The following FRMD4B variants were observed in gnomAD, a reference collection of about 807,000 sequenced individuals.
FRMD4B encodes the protein FERM domain containing 4B.
FRMD4B carries 74 observed loss-of-function variants against 141.5 expected under a neutral mutation model. The observed-to-expected ratio is 0.52, with a 90% CI of 0.43 to 0.63. The LOEUF (loss-of-function observed/expected upper bound fraction) is 0.63. Among genes scored for constraint, FRMD4B ranks in the 30% least tolerant of loss-of-function variants. The pLI, the probability that FRMD4B is intolerant of heterozygous loss-of-function variation, is 0.00. For synonymous variants in FRMD4B, 506 were observed against 467.9 expected (o/e 1.08, Z -1.05); for missense variants, 1,366 against 1,253.4 (o/e 1.09, Z -1.36).
intron 1 of FRMD4B, among the ~76,000 whole-genome samples, chr3:69,461,190 G>A (rs1705701643): frequency 6.6e-6 from 1 of 152,112 alleles, no homozygotes; most frequent in East Asian, 1.9e-4. Flanking sequence ...CAAATTTGAG[G>A]TTTAATATTA....
At chr3:69,492,193 T>A (rs577359135) in intron 1 of FRMD4B, among the ~76,000 whole-genome samples, 2 of 152,228 alleles carry the variant, frequency 1.3e-5, no homozygotes, top group South Asian at 4.2e-4. Context: ...GAGTGAAAGT[T>A]TGCAAGACCT....
chr3:69,292,885 G>A, intron 4 of FRMD4B: 2 of 234,868 alleles, frequency 8.5e-6, no homozygotes, highest in South Asian at 8.2e-5. Flanking sequence ...ATTTCACTAA[G>A]GTTTTCTTAA....
At chr3:69,343,577 G>GTTTTTGTTTTTT (rs775904583) in intron 1 of FRMD4B, among the ~76,000 whole-genome samples, 1 of 126,534 alleles carries the variant, frequency 7.9e-6, no homozygotes, top group African/African-American at 3.0e-5. Context: ...ACAGTTTTTT[G>GTTTTTGTTTTTT]TTTTTTTTTT....
At chr3:69,438,943 T>C (rs1450460683) in intron 1 of FRMD4B, among the ~76,000 whole-genome samples, 1 of 152,214 alleles carries the variant, frequency 6.6e-6, no homozygotes, top group Non-Finnish European at 1.5e-5. Context: ...TTTTAAGTGA[T>C]AGAACCACAC....
intron 7 of FRMD4B, among the ~76,000 whole-genome samples, chr3:69,241,908 CA>C (rs1276399982): frequency 1.3e-5 from 2 of 151,590 alleles, no homozygotes; most frequent in African/African-American, 2.4e-5. Flanking sequence ...AAAAAACCCC[CA>C]AAAAACAAAA....
intron 5 of FRMD4B, among the ~76,000 whole-genome samples, chr3:69,283,255 G>C (rs895173285): frequency 6.6e-6 from 1 of 151,742 alleles, no homozygotes; most frequent in Non-Finnish European, 1.5e-5. Context: ...CGTGGTGTCA[G>C]GCGCCTGTAA....
intron 1 of FRMD4B, among the ~76,000 whole-genome samples, chr3:69,484,558 T>C (rs540470442): frequency 6.6e-6 from 1 of 152,230 alleles, no homozygotes; most frequent in South Asian, 2.1e-4. Context: ...TTAGCTCCTA[T>C]CTGTAGGCAG....
At chr3:69,228,610 G>A (rs1031223216) in intron 7 of FRMD4B, 12 of 396,628 alleles carry the variant, frequency 3.0e-5, no homozygotes, top group African/African-American at 2.1e-4. Context: ...TGAGCTGGGA[G>A]GATCTCTTGA....
intron 5 of FRMD4B, among the ~76,000 whole-genome samples, chr3:69,255,546 T>TA (rs958506561): frequency 2.4e-4 from 37 of 151,086 alleles, no homozygotes; most frequent in African/African-American, 8.7e-4. Context: ...CCCCATCTCT[T>TA]AAAAAAAAAG....
intron 1 of FRMD4B, among the ~76,000 whole-genome samples, chr3:69,347,675 A>C (rs1033194778): frequency 7.9e-5 from 12 of 152,218 alleles, no homozygotes; most frequent in Non-Finnish European, 1.5e-4. Context: ...AGGATTAAGA[A>C]ACTCACTCAA....
At chr3:69,228,513 G>T (rs150971587) in intron 7 of FRMD4B, 4 of 450,632 alleles carry the variant, frequency 8.9e-6, no homozygotes, top group African/African-American at 2.0e-5. Flanking sequence ...CTGTGTGATA[G>T]AGATCAAAAC....
intron 1 of FRMD4B, among the ~76,000 whole-genome samples, chr3:69,318,331 C>T (rs376354951): frequency 6.6e-6 from 1 of 152,212 alleles, no homozygotes; most frequent in East Asian, 1.9e-4. Context: ...ATTTCCATGC[C>T]AAAACCAAAG....
chr3:69,509,081 A>T (rs1431537156), intron 1 of FRMD4B, among the ~76,000 whole-genome samples: 1 of 152,226 alleles, frequency 6.6e-6, no homozygotes, highest in Non-Finnish European at 1.5e-5. Context: ...TGATACATGG[A>T]TGATCACTGT....
chr3:69,379,416 C>T (rs754238796), intron 1 of FRMD4B, among the ~76,000 whole-genome samples: 4 of 152,116 alleles, frequency 2.6e-5, no homozygotes, highest in Admixed American at 1.3e-4. Context: ...GTAGCTGGGG[C>T]TACAGGCACA....
intron 6 of FRMD4B, among the ~76,000 whole-genome samples, chr3:69,249,783 C>A (rs920469688): frequency 6.6e-6 from 1 of 152,224 alleles, no homozygotes; most frequent in Non-Finnish European, 1.5e-5. Flanking sequence ...CCAGAGCTCT[C>A]TTCCAGGAAT....
Position 69,224,709 on chromosome 3 carries a change from T to C in FRMD4B, c.582-19A>G, listed in dbSNP as rs368380264. The C allele has an allele frequency of 7.9e-6, 10 of 1,261,472 alleles. No homozygotes were observed. In the East Asian group the frequency reaches 1.5e-4, roughly 18 times the overall value. The allele number at this position is 1,261,472 out of a possible 1,614,324, so 78.1% of individuals were successfully genotyped here. ...TTCATCACTAAAAAGAAATGGAATA[T>C]GGTAATGTCAGGTACTGTTATCCAA... On this transcript the variant is annotated intron_variant, in intron 7 of 22. Coordinates refer to ENST00000398540, the MANE Select transcript of FRMD4B (RefSeq NM_015123.3).
intron 19 of FRMD4B, among the ~76,000 whole-genome samples, chr3:69,184,192 G>A (rs1232285719): frequency 2.0e-5 from 3 of 152,136 alleles, no homozygotes; most frequent in African/African-American, 2.4e-5. Context: ...GATTACAGGC[G>A]TGAGCCGCTG....
rs551291630 is a variant in FRMD4B at position 69,537,963 on chromosome 3, G to C, written c.-129+4243C>G. Among the ~76,000 whole-genome samples, 8 of 152,270 alleles carry C rather than the reference G, an allele frequency of 5.3e-5. No individual in the cohort carries two copies. In the South Asian group the frequency reaches 1.7e-3, roughly 32 times the overall value. ...TGGTCTGGGTAGGACTCCATTGCTG[G>C]GGCAAAGCCCTCAACCTCTGCAGAA... On this transcript the variant is annotated intron_variant, in intron 1 of 5. Coordinates refer to the FRMD4B transcript ENST00000459638.
intron 21 of FRMD4B, among the ~76,000 whole-genome samples, chr3:69,179,573 C>T (rs2092684161): frequency 6.6e-6 from 1 of 152,106 alleles, no homozygotes; most frequent in Non-Finnish European, 1.5e-5. Flanking sequence ...AACTTGAACC[C>T]AAATAGAAAT....
Sources: gnomAD v4.1 joint callset for allele counts (sites outside exome capture counted in the v4.1 genomes callset) on GRCh38, gnomAD v4.1.1 for gene constraint, MANE v1.5 for transcripts, NCBI Gene and HGNC (gene_info 2026-07-23, HGNC 2026-07-21) for gene names.